CFTR: variants seen among roughly 807,000 people sequenced by gnomAD.
CFTR encodes CF transmembrane conductance regulator.
In CFTR, 181 loss-of-function variants were observed where a neutral mutation model predicts 171.6. That is an observed-to-expected ratio of 1.05 (90% CI 0.93 to 1.19). The LOEUF is 1.19. CFTR is among the 50% of genes most tolerant of loss of function. CFTR has a pLI of 0.00. For synonymous variants in CFTR, 583 were observed against 608.0 expected (o/e 0.96, Z 0.60); for missense variants, 1,968 against 1,734.7 (o/e 1.13, Z -2.39).
chr7:117,610,795 T>A, intron 19 of CFTR, 126 bp downstream of exon 19: 1 of 965,212 alleles, frequency 1.0e-6, no homozygotes, highest in South Asian at 1.6e-5. Flanking sequence ...ACAATAATTT[T>A]TTTCTACATG....
intron 1 of CFTR, among the ~76,000 whole-genome samples, chr7:117,481,838 T>G (rs1798005042): frequency 6.6e-6 from 1 of 152,236 alleles, no homozygotes; most frequent in African/African-American, 2.4e-5. Context: ...GTTTTCAAAG[T>G]GGTAGGCTTT....
intron 1 of CFTR, among the ~76,000 whole-genome samples, chr7:117,487,089 G>C (rs1000889784): frequency 6.6e-6 from 1 of 152,072 alleles, no homozygotes; most frequent in Admixed American, 6.5e-5. Flanking sequence ...AGAAGGCATG[G>C]AGCAGGAGTG....
intron 23 of CFTR, among the ~76,000 whole-genome samples, chr7:117,651,087 G>A (rs1793082822): frequency 6.6e-6 from 1 of 152,170 alleles, no homozygotes; most frequent in Non-Finnish European, 1.5e-5. Flanking sequence ...GATTGAAAGA[G>A]GTAACATATA....
chr7:117,590,112 T>G (rs1242202701), intron 12 of CFTR, among the ~76,000 whole-genome samples: 1 of 152,106 alleles, frequency 6.6e-6, no homozygotes, highest in African/African-American at 2.4e-5. Flanking sequence ...TGGAATGTTG[T>G]GAAAAGTGAT....
intron 11 of CFTR, among the ~76,000 whole-genome samples, chr7:117,564,033 A>C (rs1044036941): frequency 1.3e-5 from 2 of 152,240 alleles, no homozygotes; most frequent in Non-Finnish European, 2.9e-5. Flanking sequence ...TGAATGTTTC[A>C]TACATGTTAT....
intron 16 of CFTR, 131 bp downstream of exon 16, chr7:117,602,994 T>G: frequency 1.1e-6 from 1 of 941,234 alleles, no homozygotes; most frequent in East Asian, 2.4e-5. Context: ...AGTGGAAAGA[T>G]AAGGTTTTTT....
intron 4 of CFTR, 143 bp downstream of exon 4, chr7:117,531,257 A>G: frequency 3.0e-6 from 2 of 663,098 alleles, no homozygotes; most frequent in South Asian, 1.8e-5. Flanking sequence ...AATGGCAGGA[A>G]TAATTAATGC....
intron 13 of CFTR, among the ~76,000 whole-genome samples, chr7:117,590,726 T>A (rs3808183): frequency 6.6e-6 from 1 of 152,064 alleles, no homozygotes; most frequent in East Asian, 1.9e-4. Flanking sequence ...CATTGCCTTG[T>A]GATATATATT....
intron 23 of CFTR, among the ~76,000 whole-genome samples, chr7:117,645,489 G>A (rs1792984364): frequency 6.6e-6 from 1 of 152,214 alleles, no homozygotes; most frequent in African/African-American, 2.4e-5. Flanking sequence ...CAGTTAGGGA[G>A]TGTGATGTGG....
At chr7:117,636,760 CTCTTCTGCTTT>C (rs1792832425) in intron 22 of CFTR, among the ~76,000 whole-genome samples, 1 of 151,350 alleles carries the variant, frequency 6.6e-6, no homozygotes, top group African/African-American at 2.4e-5. Context: ...ATCTCCATTT[CTCTTCTGCTTT>C]TCATCTGTTC....
chr7:117,548,581 C>A, intron 9 of CFTR, 60 bp from the exon 10 acceptor site: 1 of 1,573,676 alleles, frequency 6.4e-7, no homozygotes, highest in Admixed American at 1.8e-5. Context: ...TTGAAAATAT[C>A]TGACAAACTC....
At chr7:117,524,613 T>C (rs1404400890) in intron 3 of CFTR, among the ~76,000 whole-genome samples, 1 of 152,136 alleles carries the variant, frequency 6.6e-6, no homozygotes, top group African/African-American at 2.4e-5. Flanking sequence ...TTTTCCTAAT[T>C]TAAAAAAGTT....
At chr7:117,613,024 G>A (rs1277922171) in intron 20 of CFTR, among the ~76,000 whole-genome samples, 1 of 152,112 alleles carries the variant, frequency 6.6e-6, no homozygotes, top group African/African-American at 2.4e-5. Context: ...CTGCTATGAG[G>A]ATAGTGGGTT....
chr7:117,567,745 G>A (rs1791625468), intron 11 of CFTR, among the ~76,000 whole-genome samples: 1 of 152,040 alleles, frequency 6.6e-6, no homozygotes, highest in Admixed American at 6.6e-5. Flanking sequence ...ACTAGGGACT[G>A]GGCCAAACTC....
intron 1 of CFTR, among the ~76,000 whole-genome samples, chr7:117,499,319 C>T (rs1798284763): frequency 6.6e-6 from 1 of 151,458 alleles, no homozygotes; most frequent in Admixed American, 6.6e-5. Flanking sequence ...AAAATCAAAG[C>T]TTTAATAGTG....
chr7:117,630,894 GCATGCACAGAAAACAGTGACTGGTT>G (rs1792730693), intron 22 of CFTR, among the ~76,000 whole-genome samples: 1 of 152,170 alleles, frequency 6.6e-6, no homozygotes, highest in Non-Finnish European at 1.5e-5. Flanking sequence ...GAGGCAAAGG[GCATGCACAGAAAACAGTGACTGGTT>G]CAGTCAGGTT....
chr7:117,508,784 T>C (rs1798463382), intron 2 of CFTR, among the ~76,000 whole-genome samples: 1 of 152,354 alleles, frequency 6.6e-6, no homozygotes, highest in African/African-American at 2.4e-5. Flanking sequence ...AACACTTTTC[T>C]TTAACACATA....
Position 117,624,032 on chromosome 7 carries a change from C to G in CFTR, c.3469-3490C>G, listed in dbSNP as rs142711907. Among the ~76,000 whole-genome samples, 295 of 152,080 alleles carry G rather than the reference C, an allele frequency of 1.9e-3. 1 individual carries two copies. Among genetic ancestry groups the G allele is most frequent in the African/African-American group, 7.0e-3 (292 of 41,484 alleles). ...AGAGTTCCCCAAATTACTTAAGCTT[C>G]AGGCTCCACAAAACCTGGATCTACC... On this transcript the variant is annotated intron_variant, in intron 21 of 26. Transcript: ENST00000003084.
intron 1 of CFTR, among the ~76,000 whole-genome samples, chr7:117,498,221 C>G (rs1365341399): frequency 6.6e-6 from 1 of 152,004 alleles, no homozygotes; most frequent in African/African-American, 2.4e-5. Flanking sequence ...TGGTGTTTAC[C>G]TACCTAGAGA....
Sources: gnomAD v4.1 joint callset for allele counts (sites outside exome capture counted in the v4.1 genomes callset) on GRCh38, gnomAD v4.1.1 for gene constraint, MANE v1.5 for transcripts, NCBI Gene and HGNC (gene_info 2026-07-23, HGNC 2026-07-21) for gene names.